Variants in CERS6 observed in about 807,000 individuals in gnomAD.
CERS6 encodes the protein ceramide synthase 6, also known as LAG1 homolog, ceramide synthase 6.
A neutral mutation model predicts 56.8 loss-of-function variants in CERS6; 26 were observed. That is an observed-to-expected ratio of 0.46 (90% CI 0.34 to 0.63). The LOEUF is 0.63. Ranked by LOEUF, CERS6 falls within the 30% of genes least tolerant of loss-of-function variation. The pLI, the probability that CERS6 is intolerant of heterozygous loss-of-function variation, is 0.01. For synonymous variants in CERS6, 164 were observed against 173.3 expected (o/e 0.95, Z 0.42); for missense variants, 415 against 467.5 (o/e 0.89, Z 1.04).
chr2:168,611,892 T>G (rs1362626818), intron 3 of CERS6, among the ~76,000 whole-genome samples: 1 of 152,226 alleles, frequency 6.6e-6, no homozygotes, highest in East Asian at 1.9e-4. Context: ...TCTACACTTG[T>G]GTCTTCTTCA....
intron 1 of CERS6, among the ~76,000 whole-genome samples, chr2:168,503,502 G>A (rs1694621286): frequency 6.6e-6 from 1 of 152,182 alleles, no homozygotes; most frequent in Non-Finnish European, 1.5e-5. Context: ...AGGTGAGAAT[G>A]TGGAATACAT....
intron 8 of CERS6, among the ~76,000 whole-genome samples, chr2:168,725,234 G>A (rs969602152): frequency 6.6e-6 from 1 of 152,258 alleles, no homozygotes; most frequent in African/African-American, 2.4e-5. Context: ...AACTCCAGCT[G>A]GCCTGCAAGC....
chr2:168,655,910 G>A (rs556823331), intron 4 of CERS6, among the ~76,000 whole-genome samples: 44 of 152,320 alleles, frequency 2.9e-4, no homozygotes, highest in African/African-American at 1.0e-3. Context: ...TGATAAATAT[G>A]TTAATCTGCT....
intron 3 of CERS6, among the ~76,000 whole-genome samples, chr2:168,603,448 G>T (rs1244363354): frequency 6.6e-6 from 1 of 152,176 alleles, no homozygotes; most frequent in Admixed American, 6.5e-5. Context: ...GAACATCTGG[G>T]CATTGATTCT....
intron 6 of CERS6, among the ~76,000 whole-genome samples, chr2:168,707,588 C>T (rs1686990011): frequency 6.6e-6 from 1 of 152,092 alleles, no homozygotes; most frequent in South Asian, 2.1e-4. Context: ...TCCGTTTAAC[C>T]AGCTCTCTTA....
intron 8 of CERS6, among the ~76,000 whole-genome samples, chr2:168,751,093 T>TAGA (rs1684254905): frequency 6.6e-6 from 1 of 152,276 alleles, no homozygotes; most frequent in East Asian, 1.9e-4. Context: ...TAGCAGTGAC[T>TAGA]TTGATCAAAA....
intron 8 of CERS6, among the ~76,000 whole-genome samples, chr2:168,765,216 T>A (rs1035470444): frequency 6.6e-6 from 1 of 152,058 alleles, no homozygotes; most frequent in South Asian, 2.1e-4. Flanking sequence ...CGAATCTTGG[T>A]TTTGAAAGAT....
chr2:168,478,087 AG>A (rs1339641087), intron 1 of CERS6, among the ~76,000 whole-genome samples: 4 of 7,086 alleles, frequency 5.6e-4, no homozygotes, highest in Admixed American at 3.6e-3. Flanking sequence ...CTGATCATTC[AG>A]GGTTTTTTTT....
chr2:168,705,773 G>A (rs1220866443), intron 6 of CERS6, among the ~76,000 whole-genome samples: 1 of 152,010 alleles, frequency 6.6e-6, no homozygotes, highest in Non-Finnish European at 1.5e-5. Flanking sequence ...CATTCTGGAT[G>A]TTTTCAGCCC....
intron 1 of CERS6, among the ~76,000 whole-genome samples, chr2:168,477,500 A>T (rs1273697687): frequency 6.6e-6 from 1 of 152,196 alleles, no homozygotes; most frequent in Non-Finnish European, 1.5e-5. Context: ...AGAATTTTTA[A>T]CATTTTATAT....
chr2:168,500,559 A>G (rs1440545701), intron 1 of CERS6, among the ~76,000 whole-genome samples: 1 of 152,222 alleles, frequency 6.6e-6, no homozygotes, highest in Non-Finnish European at 1.5e-5. Flanking sequence ...GAGAATTATC[A>G]TGCTATTTCA....
At chr2:168,556,641 A>T (rs568888996) in intron 2 of CERS6, among the ~76,000 whole-genome samples, 73 of 152,322 alleles carry the variant, frequency 4.8e-4, no homozygotes, top group African/African-American at 1.8e-3. Flanking sequence ...ATAAAGAAGT[A>T]TTTATTGAGT....
At chr2:168,502,989 GA>G (rs1400842790) in intron 1 of CERS6, among the ~76,000 whole-genome samples, 2 of 152,196 alleles carry the variant, frequency 1.3e-5, no homozygotes, top group Non-Finnish European at 2.9e-5. Flanking sequence ...ATCTCATCTT[GA>G]ATTGTAATCC....
rs1033534912 is a variant in CERS6, at chr2:168,774,782, C to T, written c.*5120C>T. 5.3e-5 allele frequency: 8 copies of T among 152,164 alleles called. No homozygotes were observed. Among genetic ancestry groups the T allele is most frequent in the Admixed American group, 2.6e-4 (4 of 15,278 alleles). 9.4% of individuals were successfully genotyped at this position (152,164 alleles called of 1,614,324 possible). ...CAAAGTTTCATAAAGCCCCTAAGCT[C>T]ATGATTTTCATCAACTCTTTGCCCA... On this transcript the variant is annotated 3_prime_UTR_variant, in exon 10 of 10. Transcript: ENST00000305747.
At position 168,765,733 on chromosome 2, in the gene CERS6, T is replaced by C. The variant is rs1684714226; in HGVS notation, c.987T>C (p.Ala329=). Residue 329 remains alanine, a synonymous_variant, in exon 9 of 10, where the codon GCT becomes GCC. Coordinates refer to ENST00000305747, the MANE Select transcript of CERS6 (RefSeq NM_203463.3). ...SYLIVKIACK[A]VSRGKVSKDD... ...TGATTGTGAAAATAGCTTGCAAAGCTGTTTCAAGAGGCAAGGTAAGCTACA... is the reference window on the plus strand; with the variant it reads ...TGATTGTGAAAATAGCTTGCAAAGCCGTTTCAAGAGGCAAGGTAAGCTACA... 1 of 1,611,998 alleles carries C rather than the reference T, an allele frequency of 6.2e-7. No homozygotes were observed. The highest frequency in any genetic ancestry group is 1.3e-5 in the African/African-American group (1 of 74,900).
At chr2:168,702,600 A>T (rs186441130) in intron 6 of CERS6, among the ~76,000 whole-genome samples, 4 of 152,182 alleles carry the variant, frequency 2.6e-5, no homozygotes, top group African/African-American at 7.2e-5. Flanking sequence ...TATTTTATTT[A>T]AAAAATCACT....
intron 2 of CERS6, among the ~76,000 whole-genome samples, chr2:168,557,095 A>G (rs1278610676): frequency 6.6e-6 from 1 of 151,578 alleles, no homozygotes; most frequent in Non-Finnish European, 1.5e-5. Context: ...GCATGGAGAG[A>G]TCCTGGCTGC....
At chr2:168,750,095 G>A (rs914071442) in intron 8 of CERS6, among the ~76,000 whole-genome samples, 11 of 152,298 alleles carry the variant, frequency 7.2e-5, no homozygotes, top group African/African-American at 2.4e-4. Context: ...ACACTGGTGC[G>A]TGTCCTATGG....
chr2:168,481,683 T>C (rs1694181085), intron 1 of CERS6, among the ~76,000 whole-genome samples: 1 of 152,268 alleles, frequency 6.6e-6, no homozygotes, highest in Non-Finnish European at 1.5e-5. Context: ...GACTTTAGTA[T>C]TGAGAAATAA....
Sources: gnomAD v4.1 joint callset for allele counts (sites outside exome capture counted in the v4.1 genomes callset) on GRCh38, gnomAD v4.1.1 for gene constraint, MANE v1.5 for transcripts, NCBI Gene and HGNC (gene_info 2026-07-23, HGNC 2026-07-21) for gene names.